Variants in CLCA4 observed in about 807,000 individuals in gnomAD.
The protein encoded by CLCA4 is calcium-activated chloride channel regulator 4.
A neutral mutation model predicts 78.9 loss-of-function variants in CLCA4; 69 were observed. The ratio of observed to expected loss-of-function variants is 0.87; its 90% CI spans 0.72 to 1.07. The LOEUF is 1.07. Among genes scored for constraint, CLCA4 ranks in the 50% least tolerant of loss-of-function variants. CLCA4 has a pLI of 0.00. For synonymous variants in CLCA4, 362 were observed against 375.8 expected (o/e 0.96, Z 0.42); for missense variants, 1,133 against 1,095.8 (o/e 1.03, Z -0.48).
At chr1:86,568,927 C>G (rs1650274337) in intron 7 of CLCA4, among the ~76,000 whole-genome samples, 1 of 151,932 alleles carries the variant, frequency 6.6e-6, no homozygotes, top group Non-Finnish European at 1.5e-5. Context: ...TGTCACTTAT[C>G]AGGTTTGTGA....
chr1:86,578,038 T>G lies in CLCA4; in HGVS notation c.2088T>G (p.Asn696Lys), dbSNP rs200517074. The G allele has an allele frequency of 6.2e-7, 1 of 1,612,592 alleles. No individual in the cohort carries two copies. Among genetic ancestry groups the G allele is most frequent in the Non-Finnish European group, 8.5e-7 (1 of 1,179,236 alleles). ...TARLKLRPPLNRAAYIPGWVV... is the reference protein window; with the variant it reads ...TARLKLRPPLKRAAYIPGWVV... ...GGCTAAAATTACGGCCTCCACTGAA[T>G]AGAGCCGCGTACATACCAGGCTGGG... The change falls in exon 12 of 14, where the codon AAT (asparagine) becomes AAG (lysine). Residue 696 changes from asparagine to lysine, a missense_variant. Asn to Lys is a moderately conservative substitution (Grantham distance 94, BLOSUM62 0). Coordinates refer to ENST00000370563, the MANE Select transcript of CLCA4 (RefSeq NM_012128.4).
chr1:86,567,775 G>A (rs1361506729), intron 7 of CLCA4, 124 bp downstream of exon 7: 1 of 738,492 alleles, frequency 1.4e-6, no homozygotes, highest in Non-Finnish European at 2.2e-6. Flanking sequence ...AGAGGCACAG[G>A]ACTAAGCATA....
intron 6 of CLCA4, 69 bp downstream of exon 6, chr1:86,566,089 CT>C: frequency 7.3e-7 from 1 of 1,360,606 alleles, no homozygotes; most frequent in Non-Finnish European, 1.0e-6. Flanking sequence ...TGAACTCTGT[CT>C]GCACCTAGAT....
rs745367326 is a variant in CLCA4 at position 86,559,964 on chromosome 1, T to G, written c.192T>G (p.Phe64Leu). Residue 64 changes from phenylalanine (F) to leucine (L), a missense_variant, in exon 2 of 14, where the codon TTT (phenylalanine) becomes TTG (leucine). Coordinates refer to ENST00000370563, the MANE Select transcript of CLCA4 (RefSeq NM_012128.4). ...DMVTTASTYL[F>L]EATEKRFFFK... is the part of the protein sequence containing the mutation. ...TGACTACAGCTTCTACGTACCTGTT[T>G]GAAGCCACAGAAAAAAGATTTTTTT... 3.1e-6 allele frequency: 5 copies of G among 1,603,438 alleles called. No individual in the cohort carries two copies. In the African/African-American group the frequency reaches 6.7e-5, roughly 22 times the overall value.
chr1:86,566,178 T>C (rs1016671909), intron 6 of CLCA4, among the ~76,000 whole-genome samples, 158 bp downstream of exon 6: 1 of 152,002 alleles, frequency 6.6e-6, no homozygotes, highest in African/African-American at 2.4e-5. Flanking sequence ...CAAAATACCA[T>C]AGTAAAAGAA....
At chr1:86,576,508 G>A (rs1278554065) in intron 11 of CLCA4, among the ~76,000 whole-genome samples, 1 of 151,950 alleles carries the variant, frequency 6.6e-6, no homozygotes, top group African/African-American at 2.4e-5. Context: ...TGTCATCATT[G>A]TTGTTTATCA....
chr1:86,552,700 C>T (rs1033142682), intron 1 of CLCA4: 21 of 1,271,470 alleles, frequency 1.7e-5, no homozygotes, highest in African/African-American at 4.4e-5. Flanking sequence ...ACGGGGTGAC[C>T]GGAGCCAAGC....
intron 7 of CLCA4, among the ~76,000 whole-genome samples, chr1:86,568,755 TC>T (rs1650270242): frequency 6.6e-6 from 1 of 151,860 alleles, no homozygotes; most frequent in South Asian, 2.1e-4. Context: ...TGCTTCCTTT[TC>T]TCCCAACTCT....
intron 8 of CLCA4, 34 bp downstream of exon 8, chr1:86,571,288 T>C (rs750542640): frequency 3.1e-5 from 48 of 1,566,804 alleles, no homozygotes; most frequent in Non-Finnish European, 4.0e-5. Flanking sequence ...AGGCCTTCAA[T>C]AGTAATGCAT....
At position 86,574,657 on chromosome 1, in the gene CLCA4, A is replaced by G; in HGVS notation, c.1585A>G (p.Ser529Gly). 1 of 1,613,346 alleles carries G rather than the reference A, an allele frequency of 6.2e-7. No individual in the cohort carries two copies. Among genetic ancestry groups the G allele is most frequent in the Non-Finnish European group, 8.5e-7 (1 of 1,179,514 alleles). The change falls in exon 10 of 14, where the codon AGT becomes GGT. Residue 529 changes from serine (S) to glycine (G), a missense_variant. Ser to Gly is a moderately conservative substitution (Grantham distance 56, BLOSUM62 0). Coordinates refer to ENST00000370563, the MANE Select transcript of CLCA4 (RefSeq NM_012128.4). ...CATCACATGGAACAGTCTGCCTCCC[A>G]GTATTTCTCTCTGGGATCCCAGTGG... Reference protein sequence around the residue: ...FLITWNSLPPSISLWDPSGTI... With the variant: ...FLITWNSLPPGISLWDPSGTI...
At chr1:86,552,148 A>C (rs1649683760) in intron 1 of CLCA4, among the ~76,000 whole-genome samples, 1 of 152,228 alleles carries the variant, frequency 6.6e-6, no homozygotes, top group South Asian at 2.1e-4. Flanking sequence ...TATTTATAGA[A>C]AAAATATACT....
Position 86,580,098 on chromosome 1 carries a change from C to A in CLCA4, c.2513C>A (p.Ala838Glu). 6.2e-7 allele frequency: 1 copy of A among 1,612,872 alleles called. No individual in the cohort carries two copies. Among genetic ancestry groups the A allele is most frequent in the African/African-American group, 1.3e-5 (1 of 74,946 alleles). ...CCAGAAAATATCTCAGAAGAAAATG[C>A]AACCCACATATTTATTGCCATTAAA... ...FKPENISEEN[A>E]THIFIAIKSI... The change falls in exon 14 of 14, where the codon GCA (alanine) becomes GAA (glutamate). Residue 838 changes from alanine (A) to glutamate (E), a missense_variant. Ala to Glu is a moderately radical substitution (Grantham distance 107). Transcript: ENST00000370563.
intron 1 of CLCA4, among the ~76,000 whole-genome samples, chr1:86,556,512 A>G (rs960409476): frequency 7.9e-5 from 12 of 152,102 alleles, no homozygotes. Flanking sequence ...TGTTGAATCA[A>G]TCTTGCGTCC....
In CLCA4 at chr1:86,579,342, T is replaced by C; in HGVS notation, c.2123-12T>C. The C allele has an allele frequency of 6.3e-7, 1 of 1,599,388 alleles. No homozygotes were observed. The highest frequency in any genetic ancestry group is 8.6e-7 in the Non-Finnish European group (1 of 1,167,192). On this transcript the variant is annotated splice_polypyrimidine_tract_variant and intron_variant, in intron 12 of 13. Coordinates refer to ENST00000370563, the MANE Select transcript of CLCA4 (RefSeq NM_012128.4). ...GTTTTGCCCATTATAAACCAGGAAA[T>C]GTTTAATGCAGGGGAAATTGAAGCA...
At chr1:86,556,150 A>C (rs1649833601) in intron 1 of CLCA4, among the ~76,000 whole-genome samples, 1 of 152,148 alleles carries the variant, frequency 6.6e-6, no homozygotes, top group African/African-American at 2.4e-5. Context: ...ATAATCAAAG[A>C]GGGATAGTTT....
chr1:86,573,019 A>G (rs561709877), intron 9 of CLCA4: 2 of 326,902 alleles, frequency 6.1e-6, no homozygotes, highest in Non-Finnish European at 1.2e-5. Flanking sequence ...ACCTTTTCCA[A>G]AATAAAGCAC....
intron 4 of CLCA4, among the ~76,000 whole-genome samples, chr1:86,564,579 C>T (rs1558188845): frequency 6.6e-6 from 1 of 152,136 alleles, no homozygotes; most frequent in Non-Finnish European, 1.5e-5. Flanking sequence ...ATTTATAAGA[C>T]TCTCTAAATA....
In CLCA4 at chr1:86,571,131, G is replaced by A; in HGVS notation, c.1237G>A (p.Asp413Asn). ...TGGATCCGAAGTACTGCTGCTGACT[G>A]ATGGGGAGGATAACACTGCAAGTTC... ...LDGSEVLLLT[D>N]GEDNTASSCI... is the part of the protein sequence containing the mutation. Residue 413 changes from aspartate to asparagine, a missense_variant, in exon 8 of 14, where the codon GAT becomes AAT. Transcript: ENST00000370563. The A allele has an allele frequency of 6.2e-7, 1 of 1,612,812 alleles. No individual in the cohort carries two copies. The highest frequency in any genetic ancestry group is 1.7e-5 in the Admixed American group (1 of 59,968).
At chr1:86,552,028 A>T (rs143576212) in intron 1 of CLCA4, among the ~76,000 whole-genome samples, 1 of 152,270 alleles carries the variant, frequency 6.6e-6, no homozygotes, top group African/African-American at 2.4e-5. Context: ...GTTGACAAGG[A>T]CCGTAGTGAT....
Sources: allele counts gnomAD v4.1 joint callset (sites outside exome capture counted in the v4.1 genomes callset), GRCh38; gene constraint gnomAD v4.1.1; transcripts MANE v1.5; gene names NCBI Gene and HGNC (gene_info 2026-07-23, HGNC 2026-07-21).